Variants in CTNNA3 observed in about 807,000 individuals in gnomAD.
The protein encoded by CTNNA3 is catenin alpha 3.
Under a neutral mutation model 95.7 loss-of-function variants are expected in CTNNA3, and 76 were observed. That is an observed-to-expected ratio of 0.79 (90% CI 0.66 to 0.96). The LOEUF (loss-of-function observed/expected upper bound fraction) is 0.96, where lower values mean the gene tolerates loss of function less well. Among genes scored for constraint, CTNNA3 ranks in the 40% least tolerant of loss-of-function variants. The pLI, the probability that CTNNA3 is intolerant of heterozygous loss-of-function variation, is 0.00. For missense variants in CTNNA3, 1,191 were observed against 1,089.8 expected, an observed-to-expected ratio of 1.09 and a Z score of -1.31; for synonymous variants, 431 against 374.4, an observed-to-expected ratio of 1.15 and a Z score of -1.74.
chr10:66,069,262 AT>A, intron 15 of CTNNA3, 45 bp downstream of exon 15: 1 of 1,571,700 alleles, frequency 6.4e-7, no homozygotes, highest in Non-Finnish European at 8.7e-7. Context: ...TATGACTAAT[AT>A]TTTCAGCCAT....
intron 11 of CTNNA3, among the ~76,000 whole-genome samples, chr10:66,437,550 T>A (rs2093346708): frequency 6.6e-6 from 1 of 152,114 alleles, no homozygotes; most frequent in Non-Finnish European, 1.5e-5. Context: ...GTCATTTATG[T>A]TCTTCTCTAA....
intron 11 of CTNNA3, among the ~76,000 whole-genome samples, chr10:66,435,105 T>G (rs2093327505): frequency 1.3e-5 from 2 of 152,270 alleles, no homozygotes; most frequent in African/African-American, 4.8e-5. Context: ...CCTGAAATTT[T>G]CTTTTTTTTG....
At chr10:66,704,276 C>T (rs899171439) in intron 9 of CTNNA3, among the ~76,000 whole-genome samples, 18 of 152,056 alleles carry the variant, frequency 1.2e-4, no homozygotes, top group East Asian at 3.9e-4. Context: ...TTTCAACTTC[C>T]GCCACTGTCC....
intron 10 of CTNNA3, among the ~76,000 whole-genome samples, chr10:66,544,244 C>T (rs1841968614): frequency 6.6e-6 from 1 of 151,924 alleles, no homozygotes; most frequent in African/African-American, 2.4e-5. Flanking sequence ...TACCCTTTCC[C>T]ACCTTATACC....
intron 11 of CTNNA3, among the ~76,000 whole-genome samples, chr10:66,458,867 C>T (rs2093511113): frequency 6.6e-6 from 1 of 152,152 alleles, no homozygotes; most frequent in Non-Finnish European, 1.5e-5. Flanking sequence ...GGATATTGTA[C>T]ATAATGCTGC....
intron 1 of CTNNA3, among the ~76,000 whole-genome samples, chr10:67,656,570 T>TA (rs1409624194): frequency 6.6e-6 from 1 of 152,092 alleles, no homozygotes; most frequent in Non-Finnish European, 1.5e-5. Context: ...TATGCCATTT[T>TA]AAAAAAGAAA....
At chr10:67,540,678 TAA>T (rs1477726249) in intron 3 of CTNNA3, among the ~76,000 whole-genome samples, 17 of 152,086 alleles carry the variant, frequency 1.1e-4, no homozygotes, top group Middle Eastern at 3.4e-3. Context: ...ATATGTTTTA[TAA>T]AGACAGATTT....
rs1198920511 is a variant in CTNNA3 at position 65,916,905 on chromosome 10, T to C, written c.*3425A>G. On this transcript the variant is annotated 3_prime_UTR_variant, in exon 18 of 18. Transcript: ENST00000433211. Reference sequence around the variant, plus strand: ...TTACTCTGTTGTTACACATTAGGCTTTTCAGCCACTCATTATTTAATTTGA... The same window carrying C: ...TTACTCTGTTGTTACACATTAGGCTCTTCAGCCACTCATTATTTAATTTGA... The C allele has an allele frequency of 1.3e-5, 2 of 152,182 alleles. No individual in the cohort carries two copies. Among genetic ancestry groups the C allele is most frequent in the African/African-American group, 2.4e-5 (1 of 41,440 alleles). The allele number at this position is 152,182 out of a possible 1,614,324, so 9.4% of individuals were successfully genotyped here. A position where few individuals can be genotyped will look rare whatever the true frequency, so the allele number is the denominator to read the frequency against.
At chr10:67,075,136 A>G (rs1220373772) in intron 7 of CTNNA3, among the ~76,000 whole-genome samples, 1 of 150,338 alleles carries the variant, frequency 6.7e-6, no homozygotes, top group Non-Finnish European at 1.5e-5. Flanking sequence ...AGGGATACAA[A>G]TTTGGTTGTT....
intron 7 of CTNNA3, among the ~76,000 whole-genome samples, chr10:67,069,079 T>C (rs1400580592): frequency 1.3e-5 from 2 of 151,450 alleles, no homozygotes; most frequent in East Asian, 1.9e-4. Flanking sequence ...AAAATATATA[T>C]GAAAGAAACA....
chr10:66,226,997 A>G (rs552137288), intron 13 of CTNNA3, among the ~76,000 whole-genome samples: 7 of 152,106 alleles, frequency 4.6e-5, no homozygotes, highest in South Asian at 2.1e-4. Flanking sequence ...TGTCATCTCC[A>G]TATAGGGATA....
In CTNNA3 at chr10:65,920,559, T is replaced by C. The variant is rs1483630244; in HGVS notation, c.2459A>G (p.Gln820Arg). The C allele has an allele frequency of 6.2e-7, 1 of 1,614,210 alleles. No individual in the cohort carries two copies. Among genetic ancestry groups the C allele is most frequent in the African/African-American group, 1.3e-5 (1 of 75,064 alleles). The change falls in exon 18 of 18, where the codon CAA (glutamine) becomes CGA (arginine). Residue 820 changes from glutamine (Q) to arginine (R), a missense_variant. Transcript: ENST00000433211. The part of the protein sequence containing the change: ...AAKNLMNAVV[Q>R]TVKMSYIAST... Reference sequence around the variant, plus strand: ...GGCAATGTAAGACATTTTCACTGTTTGCACTACAGCATTCATTAAATTTTT... The same window carrying C: ...GGCAATGTAAGACATTTTCACTGTTCGCACTACAGCATTCATTAAATTTTT...
chr10:66,481,012 A>T (rs1589309706), intron 11 of CTNNA3, among the ~76,000 whole-genome samples: 2 of 152,216 alleles, frequency 1.3e-5, no homozygotes, highest in East Asian at 3.8e-4. Flanking sequence ...AAATTCATAG[A>T]TTAAAAACTA....
At chr10:67,030,180 G>T (rs982977026) in intron 7 of CTNNA3, among the ~76,000 whole-genome samples, 6 of 152,198 alleles carry the variant, frequency 3.9e-5, no homozygotes, top group Non-Finnish European at 8.8e-5. Flanking sequence ...GTTTACAAGG[G>T]AAGTCAGACA....
chr10:67,732,433 T>G (rs1841280505), intron 1 of CTNNA3, among the ~76,000 whole-genome samples: 1 of 152,232 alleles, frequency 6.6e-6, no homozygotes, highest in Non-Finnish European at 1.5e-5. Context: ...CATTGTTGAC[T>G]TTATCTTCTT....
intron 12 of CTNNA3, among the ~76,000 whole-genome samples, chr10:66,308,245 T>C (rs1378252055): frequency 3.3e-5 from 5 of 152,230 alleles, no homozygotes; most frequent in Non-Finnish European, 7.3e-5. Context: ...CTTGGTATTG[T>C]TCATAAATTA....
chr10:66,942,987 C>T (rs1392343115), intron 7 of CTNNA3, among the ~76,000 whole-genome samples: 6 of 152,134 alleles, frequency 3.9e-5, no homozygotes, highest in Non-Finnish European at 8.8e-5. Flanking sequence ...ACTTTTCTTT[C>T]TTCCCAGGGC....
intron 1 of CTNNA3, among the ~76,000 whole-genome samples, chr10:67,653,391 T>C (rs531788283): frequency 6.6e-5 from 10 of 152,152 alleles, no homozygotes; most frequent in Non-Finnish European, 1.5e-4. Context: ...CCAAACTACA[T>C]ATGTCCCTCT....
At chr10:67,334,042 C>G (rs1904626) in intron 5 of CTNNA3, 112,499 of 152,074 alleles carry the variant, frequency 0.74, 44,621 homozygotes, top group Non-Finnish European at 0.88. Flanking sequence ...GTCTATAAAG[C>G]ATATTTTACA....
Sources: gnomAD v4.1 joint callset for allele counts (sites outside exome capture counted in the v4.1 genomes callset) on GRCh38, gnomAD v4.1.1 for gene constraint, MANE v1.5 for transcripts, NCBI Gene and HGNC (gene_info 2026-07-23, HGNC 2026-07-21) for gene names.